PSMA1: variants seen among roughly 807,000 people sequenced by gnomAD.
PSMA1 encodes proteasome 20S subunit alpha 1, also known as proteasome subunit alpha type-1.
PSMA1 carries 3 observed loss-of-function variants against 38.4 expected under a neutral mutation model. That is an observed-to-expected ratio of 0.08 (90% CI 0.04 to 0.20). The LOEUF is 0.20. Ranked by LOEUF, PSMA1 falls within the 10% of genes least tolerant of loss-of-function variation. PSMA1 has a pLI of 1.00. For missense variants in PSMA1, 227 were observed against 325.3 expected (o/e 0.70, Z 2.32); for synonymous variants, 101 against 107.1 (o/e 0.94, Z 0.35).
At chr11:14,511,082 G>C (rs1396893995) in intron 7 of PSMA1, 131 bp from the exon 8 acceptor site, 2 of 486,560 alleles carry the variant, frequency 4.1e-6, no homozygotes, top group African/African-American at 4.0e-5. Context: ...AAACAGCCAA[G>C]TTTAATGCTA....
chr11:14,603,145 G>A (rs890724755), intron 2 of PSMA1, among the ~76,000 whole-genome samples: 1 of 152,200 alleles, frequency 6.6e-6, no homozygotes, highest in African/African-American at 2.4e-5. Context: ...GACATTTCCT[G>A]CTCCCTCTTA....
chr11:14,630,460 A>T (rs1353697872), intron 1 of PSMA1, among the ~76,000 whole-genome samples: 1 of 152,128 alleles, frequency 6.6e-6, no homozygotes, highest in Non-Finnish European at 1.5e-5. Context: ...TATATGCTGG[A>T]TTACATTTAT....
chr11:14,557,505 G>A (rs1269805783), intron 2 of PSMA1, among the ~76,000 whole-genome samples: 2 of 152,206 alleles, frequency 1.3e-5, no homozygotes, highest in East Asian at 1.9e-4. Flanking sequence ...GCCCCCCAAA[G>A]TGCTGGGATT....
At chr11:14,520,503 G>C (rs557261980), upstream of PSMA1, 7 of 1,436,108 alleles carry the variant, frequency 4.9e-6, no homozygotes, top group African/African-American at 8.6e-5. Flanking sequence ...GCGGCGGGCG[G>C]AGCCTCGGAA....
chr11:14,559,643 A>G (rs1406744886), intron 2 of PSMA1, among the ~76,000 whole-genome samples: 3 of 152,250 alleles, frequency 2.0e-5, no homozygotes, highest in Non-Finnish European at 4.4e-5. Flanking sequence ...CTGGGTTGCA[A>G]GGAAACAAGG....
chr11:14,514,078 A>G, intron 5 of PSMA1, 191 bp from the exon 6 acceptor site: 1 of 1,319,532 alleles, frequency 7.6e-7, no homozygotes, highest in Non-Finnish European at 9.6e-7. Flanking sequence ...CCTAAGAAAG[A>G]GTGCCAGCAA....
intron 2 of PSMA1, 124 bp from the exon 3 acceptor site, chr11:14,518,105 C>T: frequency 9.5e-6 from 5 of 529,084 alleles, no homozygotes; most frequent in Non-Finnish European, 1.5e-5. Context: ...ATCAAGAGAC[C>T]TTTTTTTTTT....
chr11:14,564,808 C>A (rs1380121850), intron 2 of PSMA1, among the ~76,000 whole-genome samples: 1 of 150,426 alleles, frequency 6.6e-6, no homozygotes, highest in Non-Finnish European at 1.5e-5. Context: ...GAGAAGGGTC[C>A]CACTCTGTTG....
chr11:14,602,536 A>T (rs1286242263), intron 2 of PSMA1, among the ~76,000 whole-genome samples: 2 of 152,008 alleles, frequency 1.3e-5, no homozygotes, highest in Non-Finnish European at 2.9e-5. Context: ...TTTTTCTTGT[A>T]ATTTTACAGT....
chr11:14,513,440 G>T lies in PSMA1; in HGVS notation c.544+130C>A, dbSNP rs1421572236. On this transcript the variant is annotated intron_variant, in intron 7 of 9. Coordinates refer to ENST00000396394, the MANE Select transcript of PSMA1 (RefSeq NM_002786.4). ...GACAGAAACAATAAACTCTTCATGG[G>T]CATAATTTTTTTTAAAAAAATTCTT... The T allele has an allele frequency of 5.9e-6, 6 of 1,016,398 alleles. No homozygotes were observed. The African/African-American group carries it at 8.5e-5, about 14-fold the overall frequency. 63.0% of individuals were successfully genotyped at this position (1,016,398 alleles called of 1,614,324 possible). A position where few individuals can be genotyped will look rare whatever the true frequency, so the allele number is the denominator to read the frequency against.
intron 2 of PSMA1, among the ~76,000 whole-genome samples, chr11:14,545,931 T>C (rs1851821048): frequency 6.6e-6 from 1 of 152,202 alleles, no homozygotes; most frequent in Non-Finnish European, 1.5e-5. Flanking sequence ...AAGGAAATGC[T>C]AAATTTAAAT....
At chr11:14,629,074 G>T (rs1677979808) in intron 1 of PSMA1, among the ~76,000 whole-genome samples, 2 of 151,804 alleles carry the variant, frequency 1.3e-5, no homozygotes, top group East Asian at 1.9e-4. Context: ...TTAGCCCTTT[G>T]TCAGATGAGT....
At chr11:14,584,427 G>A (rs181885301) in intron 2 of PSMA1, among the ~76,000 whole-genome samples, 6 of 151,916 alleles carry the variant, frequency 3.9e-5, no homozygotes, top group Admixed American at 1.3e-4. Flanking sequence ...AGCCTCTTCC[G>A]GATGGCTCAG....
rs1851686812 is a variant in PSMA1 at position 14,534,933 on chromosome 11, G to T, written c.22-15892C>A. Among the ~76,000 whole-genome samples, 1 of 152,130 alleles carries T rather than the reference G, an allele frequency of 6.6e-6. No homozygotes were observed. The highest frequency in any genetic ancestry group is 2.1e-4 in the South Asian group (1 of 4,822). ...TCTACTAAAAATACAAAATTAGCGG[G>T]CATGGTGGCAGACGCCTGTAATCCC... On this transcript the variant is annotated intron_variant, in intron 2 of 10. Transcript: ENST00000418988. This position sits in a 1 kb window ranked among gnomAD's most constrained non-coding sequence, Gnocchi z 4.5.
chr11:14,523,928 A>G (rs986938672), upstream of PSMA1, among the ~76,000 whole-genome samples: 4 of 151,688 alleles, frequency 2.6e-5, no homozygotes, highest in African/African-American at 4.8e-5. Context: ...AAACTGATCA[A>G]TAAAGATATT....
At chr11:14,506,301 GT>G (rs1851244193) in intron 9 of PSMA1, among the ~76,000 whole-genome samples, 1 of 152,020 alleles carries the variant, frequency 6.6e-6, no homozygotes, top group Non-Finnish European at 1.5e-5. Flanking sequence ...TCACTACTAT[GT>G]TTAAAATACA....
chr11:14,544,805 T>TAGAATGTA (rs1300667794), intron 2 of PSMA1, among the ~76,000 whole-genome samples: 3 of 152,220 alleles, frequency 2.0e-5, no homozygotes, highest in Non-Finnish European at 4.4e-5. Context: ...AGTTACCATA[T>TAGAATGTA]GACTCAGCAA....
intron 2 of PSMA1, among the ~76,000 whole-genome samples, chr11:14,579,299 GA>G (rs749588956): frequency 3.3e-5 from 5 of 152,144 alleles, no homozygotes; most frequent in Non-Finnish European, 7.3e-5. Flanking sequence ...TCCAGCTTCT[GA>G]TGTCTCCAGG....
In PSMA1 at chr11:14,528,499, C is replaced by T. The variant is rs1851611272; in HGVS notation, c.22-9458G>A. On this transcript the variant is annotated intron_variant, in intron 2 of 10. Coordinates refer to the PSMA1 transcript ENST00000418988. ...CCCACTGTAGGTTCCCACGCTGCCC[C>T]AATCCCGCTTGAATCAGCCCTAAGA... is the stretch of plus-strand genomic sequence containing the variant. Among the ~76,000 whole-genome samples the T allele has an allele frequency of 2.0e-5, 3 of 152,130 alleles. No individual in the cohort carries two copies. In the South Asian group the frequency reaches 6.2e-4, roughly 31 times the overall value.
Sources: allele counts gnomAD v4.1 joint callset (sites outside exome capture counted in the v4.1 genomes callset), GRCh38; gene constraint gnomAD v4.1.1; non-coding constraint Gnocchi (gnomAD v3.1); transcripts MANE v1.5; gene names NCBI Gene and HGNC (gene_info 2026-07-23, HGNC 2026-07-21).